The following KCNT1 variants were observed in gnomAD, a reference collection of about 807,000 sequenced individuals.
The protein encoded by KCNT1 is potassium channel subfamily T member 1.
KCNT1 carries 78 observed loss-of-function variants against 147.8 expected under a neutral mutation model. The ratio of observed to expected loss-of-function variants is 0.53; its 90% CI spans 0.44 to 0.64. KCNT1 has a LOEUF of 0.64. Ranked by LOEUF, KCNT1 falls within the 30% of genes least tolerant of loss-of-function variation. The pLI, the probability that KCNT1 is intolerant of heterozygous loss-of-function variation, is 0.00. For synonymous variants in KCNT1, 867 were observed against 748.8 expected (o/e 1.16, Z -2.58); for missense variants, 1,419 against 1,750.3 (o/e 0.81, Z 3.38).
At chr9:135,759,903 A>C in intron 11 of KCNT1, 44 bp downstream of exon 11, 1 of 1,532,780 alleles carries the variant, frequency 6.5e-7, no homozygotes, top group Non-Finnish European at 8.8e-7. Context: ...CAGCAAAGGG[A>C]CAGGCGGGTG....
rs555249348 is a variant in KCNT1 at position 135,746,957 on chromosome 9, C to T, written c.255-3141C>T. On this transcript the variant is annotated intron_variant, in intron 2 of 30. Coordinates refer to ENST00000371757, the MANE Select transcript of KCNT1 (RefSeq NM_020822.3). ...CTGAGGTTGGTGGGGGATGGTTGGC[C>T]TGGTGCCATCAGGAATGGAGAATTC... is the stretch of plus-strand genomic sequence containing the variant. Among the ~76,000 whole-genome samples, 36 of 152,144 alleles carry T rather than the reference C, an allele frequency of 2.4e-4. 1 individual carries two copies. In the East Asian group the frequency reaches 6.8e-3, roughly 29 times the overall value.
intron 24 of KCNT1, among the ~76,000 whole-genome samples, chr9:135,783,332 G>A (rs1588396863): frequency 6.6e-6 from 1 of 152,246 alleles, no homozygotes; most frequent in East Asian, 1.9e-4. Context: ...AGAGGGAAGA[G>A]GGAGCCACAA....
At chr9:135,776,655 G>T (rs1273968584) in intron 20 of KCNT1, among the ~76,000 whole-genome samples, 2 of 152,230 alleles carry the variant, frequency 1.3e-5, no homozygotes, top group African/African-American at 4.8e-5. Context: ...CCATGTGTGT[G>T]TGTCCTTCAC....
chr9:135,757,512 A>G, intron 9 of KCNT1, 131 bp downstream of exon 9: 1 of 761,314 alleles, frequency 1.3e-6, no homozygotes, highest in Non-Finnish European at 2.2e-6. Context: ...CCGGGAAGCC[A>G]GGGCAGCAGA....
At chr9:135,770,714 C>T (rs1354878228) in intron 17 of KCNT1, 143 bp from the exon 18 acceptor site, 37 of 893,936 alleles carry the variant, frequency 4.1e-5, no homozygotes, top group Non-Finnish European at 5.9e-5. Flanking sequence ...GAGGGCTCAG[C>T]CAAGGTCCCT....
At chr9:135,755,561 G>A (rs1326203161) in intron 6 of KCNT1, among the ~76,000 whole-genome samples, 20 of 132,094 alleles carry the variant, frequency 1.5e-4, no homozygotes, top group Non-Finnish European at 2.1e-4. Context: ...ACCCAGGCTC[G>A]GTGAGCACTG....
At chr9:135,704,879 G>A (rs1835184608) in intron 1 of KCNT1, among the ~76,000 whole-genome samples, 1 of 152,244 alleles carries the variant, frequency 6.6e-6, no homozygotes, top group Non-Finnish European at 1.5e-5. Context: ...CTGGCCGGCA[G>A]GAGGGACGGC....
chr9:135,739,040 C>G (rs1480465106), intron 2 of KCNT1, among the ~76,000 whole-genome samples: 1 of 152,098 alleles, frequency 6.6e-6, no homozygotes, highest in Admixed American at 6.5e-5. Context: ...CTTGCCCCTC[C>G]CAGCTGGGGT....
intron 2 of KCNT1, among the ~76,000 whole-genome samples, chr9:135,728,470 G>A (rs1836306614): frequency 6.6e-6 from 1 of 152,208 alleles, no homozygotes; most frequent in Admixed American, 6.5e-5. Context: ...GGATGTAACA[G>A]CCACCCACGG....
rs761304952 is a variant in KCNT1 at position 135,714,616 on chromosome 9, C to G, written c.150C>G (p.Ala50=). The G allele has an allele frequency of 1.4e-6, 2 of 1,451,444 alleles. No individual in the cohort carries two copies. The highest frequency in any genetic ancestry group is 4.1e-5 in the Admixed American group (2 of 48,578). The allele number at this position is 1,451,444 out of a possible 1,614,324, so 89.9% of individuals were successfully genotyped here. A position where few individuals can be genotyped will look rare whatever the true frequency, so the allele number is the denominator to read the frequency against. ...CAGDGALLDT[A]GFKMSDLDSE... ...GGGACGGCGCGCTCCTGGACACCGCCGGCTTCAAGATGAGCGACCTGGACT... is the reference window on the plus strand; with the variant it reads ...GGGACGGCGCGCTCCTGGACACCGCGGGCTTCAAGATGAGCGACCTGGACT... The change falls in exon 2 of 31, where the codon GCC becomes GCG. Residue 50 remains alanine (A), a synonymous_variant. Coordinates refer to ENST00000371757, the MANE Select transcript of KCNT1 (RefSeq NM_020822.3). This position sits in a 1 kb window ranked among gnomAD's most constrained non-coding sequence, Gnocchi z 6.2.
At chr9:135,728,113 G>A (rs1182183604) in intron 2 of KCNT1, among the ~76,000 whole-genome samples, 3 of 152,356 alleles carry the variant, frequency 2.0e-5, no homozygotes, top group South Asian at 4.1e-4. Context: ...GGCAGAGACT[G>A]GAGTGATGTG....
intron 2 of KCNT1, among the ~76,000 whole-genome samples, chr9:135,716,168 C>T (rs1489882781): frequency 6.6e-6 from 1 of 152,216 alleles, no homozygotes; most frequent in Non-Finnish European, 1.5e-5. Flanking sequence ...CCTCAGATGC[C>T]TGTTCAGCTG....
At chr9:135,704,325 C>T (rs555610186) in intron 1 of KCNT1, among the ~76,000 whole-genome samples, 1 of 152,320 alleles carries the variant, frequency 6.6e-6, no homozygotes, top group African/African-American at 2.4e-5. Context: ...GGACACCCCA[C>T]CCCACTCCAG....
chr9:135,779,372 C>CTCAGCA lies in KCNT1; in HGVS notation c.2747_2752dup (p.Ser916_Ile917dup). The CTCAGCA allele has an allele frequency of 6.2e-7, 1 of 1,613,522 alleles. No homozygotes were observed. Among genetic ancestry groups the CTCAGCA allele is most frequent in the Non-Finnish European group, 8.5e-7 (1 of 1,179,702 alleles). On this transcript the variant is annotated inframe_insertion, in exon 24 of 31. Transcript: ENST00000371757. ...TGCCTCCCCCAGGCTCTTCCCCAGC[C>CTCAGCA]TCAGCATCACCACGGAGCTCACCCA...
intron 2 of KCNT1, among the ~76,000 whole-genome samples, chr9:135,720,889 T>TC (rs763640191): frequency 6.6e-6 from 1 of 152,076 alleles, no homozygotes; most frequent in Non-Finnish European, 1.5e-5. Context: ...GGGCCCCAGG[T>TC]CCCCATGTGA....
chr9:135,792,422 TACCGC>T lies in KCNT1; in HGVS notation c.*263_*267del. ...CAGTCCACTTCTCTTTACACAGATG[TACCGC>T]AACTCGTGACCAGGGCTGGCTGGGA... On this transcript the variant is annotated 3_prime_UTR_variant, in exon 31 of 31. Coordinates refer to ENST00000371757, the MANE Select transcript of KCNT1 (RefSeq NM_020822.3). 2.9e-6 allele frequency: 1 copy of T among 346,202 alleles called. No individual in the cohort carries two copies. 21.4% of individuals were successfully genotyped at this position (346,202 alleles called of 1,614,324 possible). A position where few individuals can be genotyped will look rare whatever the true frequency, so the allele number is the denominator to read the frequency against.
chr9:135,784,155 G>A, intron 25 of KCNT1, 30 bp downstream of exon 25: 1 of 1,544,260 alleles, frequency 6.5e-7, no homozygotes, highest in South Asian at 1.1e-5. Context: ...CAGGAGGGTG[G>A]CGCCTGGGTG....
chr9:135,785,830 G>A, intron 28 of KCNT1: 1 of 428,784 alleles, frequency 2.3e-6, no homozygotes, highest in Non-Finnish European at 4.2e-6. Flanking sequence ...CAGAGGGGGT[G>A]ACCTCTCAGG....
At chr9:135,738,558 A>C (rs532497146) in intron 2 of KCNT1, among the ~76,000 whole-genome samples, 2 of 152,230 alleles carry the variant, frequency 1.3e-5, no homozygotes, top group East Asian at 1.9e-4. Context: ...AGCTGCCTTC[A>C]TGGGCCAGCC....
Sources: allele counts gnomAD v4.1 joint callset (sites outside exome capture counted in the v4.1 genomes callset), GRCh38; gene constraint gnomAD v4.1.1; non-coding constraint Gnocchi (gnomAD v3.1); transcripts MANE v1.5; gene names NCBI Gene and HGNC (gene_info 2026-07-23, HGNC 2026-07-21).